The following SYNPO variants were observed in gnomAD, a reference collection of about 807,000 sequenced individuals.
SYNPO encodes synaptopodin.
A neutral mutation model predicts 49.5 loss-of-function variants in SYNPO; 19 were observed. The observed-to-expected ratio is 0.38, with a 90% CI of 0.27 to 0.56. The LOEUF (loss-of-function observed/expected upper bound fraction) is 0.56, where lower values mean the gene tolerates loss of function less well. Among genes scored for constraint, SYNPO ranks in the 20% least tolerant of loss-of-function variants. The pLI is 0.68. For synonymous variants in SYNPO, 536 were observed against 548.0 expected (o/e 0.98, Z 0.31); for missense variants, 1,131 against 1,248.3 (o/e 0.91, Z 1.42).
At chr5:150,642,542 CA>C (rs138180020) in intron 1 of SYNPO, among the ~76,000 whole-genome samples, 3,001 of 151,932 alleles carry the variant, frequency 0.02, 114 homozygotes, top group African/African-American at 0.069. Context: ...ACACCAAGAG[CA>C]TGATCTTGAG....
intron 2 of SYNPO, 73 bp from the exon 3 acceptor site, chr5:150,656,331 C>T (rs1220828264): frequency 1.6e-6 from 2 of 1,263,406 alleles, no homozygotes; most frequent in South Asian, 1.3e-5. Context: ...AATCGGACTC[C>T]GTCCCTTCCT....
exon 2 of SYNPO, chr5:150,618,660 C>G (rs1239625767): frequency 1.9e-6 from 3 of 1,550,996 alleles, no homozygotes; most frequent in Admixed American, 3.9e-5. Flanking sequence ...CAAGGGGCGT[C>G]CCAGCACGAC....
At chr5:150,622,381 G>C (rs1188406062) in intron 2 of SYNPO, among the ~76,000 whole-genome samples, 1 of 152,200 alleles carries the variant, frequency 6.6e-6, no homozygotes, top group African/African-American at 2.4e-5. Context: ...CTGGGGCTGG[G>C]AAAAGGTTGT....
At chr5:150,636,825 G>T (rs1005766789), upstream of SYNPO, among the ~76,000 whole-genome samples, 3 of 151,840 alleles carry the variant, frequency 2.0e-5, no homozygotes, top group African/African-American at 7.3e-5. Context: ...GGGGGATGGG[G>T]TTGGACTGTG....
rs745798531 is a variant in SYNPO, at chr5:150,649,480, C to T, written c.1205C>T (p.Ala402Val). ...NPDLLDLVQT[A>V]DEKRRQRDQG... ...GACTTGCTGGATCTGGTACAGACAG[C>T]GGATGAGAAGCGGCGGCAGAGGGAC... The change falls in exon 2 of 3, where the codon GCG becomes GTG. Residue 402 changes from alanine to valine, a missense_variant. Around this residue, in one of 4 missense-constraint regions of SYNPO, gnomAD observed 602 missense variants for 720.7 expected, o/e 0.84. Coordinates refer to ENST00000307662, the MANE Select transcript of SYNPO (RefSeq NM_007286.6). 9 of 1,613,818 alleles carry T rather than the reference C, an allele frequency of 5.6e-6. No homozygotes were observed. The highest frequency in any genetic ancestry group is 2.7e-5 in the African/African-American group (2 of 74,912).
At position 150,656,702 on chromosome 5, in the gene SYNPO, G is replaced by A. The variant is rs1477306757; in HGVS notation, c.2327G>A (p.Gly776Asp). 1 of 1,451,898 alleles carries A rather than the reference G, an allele frequency of 6.9e-7. No individual in the cohort carries two copies. The highest frequency in any genetic ancestry group is 9.0e-7 in the Non-Finnish European group (1 of 1,105,704). The allele number at this position is 1,451,898 out of a possible 1,614,324, so 89.9% of individuals were successfully genotyped here. Reference sequence around the variant, plus strand: ...AAGAGCGCCTCCCCGCGGTCGGCGGGCGCCGAGAACCCGCGGCCCTTCTCC... The same window carrying A: ...AAGAGCGCCTCCCCGCGGTCGGCGGACGCCGAGAACCCGCGGCCCTTCTCC... ...RRKSASPRSA[G>D]AENPRPFSPP... Residue 776 changes from glycine to aspartate, a missense_variant, in exon 3 of 3, where the codon GGC becomes GAC. Coordinates refer to ENST00000307662, the MANE Select transcript of SYNPO (RefSeq NM_007286.6).
Position 150,640,870 on chromosome 5 carries a change from A to G in SYNPO, c.-333+16A>G. 3 of 985,010 alleles carry G rather than the reference A, an allele frequency of 3.0e-6. No homozygotes were observed. The highest frequency in any genetic ancestry group is 3.6e-6 in the Non-Finnish European group (3 of 829,424). 61.0% of individuals were successfully genotyped at this position (985,010 alleles called of 1,614,324 possible). ...ACCTAGCAGAGTGAGTAAGATGAGC[A>G]CCCGGAGGTGCCTTTGTGGCTTGGG... On this transcript the variant is annotated intron_variant, in intron 1 of 2. Transcript: ENST00000307662.
the SYNPO span, among the ~76,000 whole-genome samples, chr5:150,592,907 G>A: frequency 6.6e-6 from 1 of 152,224 alleles, no homozygotes; most frequent in African/African-American, 2.4e-5. Flanking sequence ...TGTGTCCAGT[G>A]ATAGGGTGCT....
Position 150,656,618 on chromosome 5 carries a change from C to T in SYNPO, c.2243C>T (p.Pro748Leu). The change falls in exon 3 of 3, where the codon CCC becomes CTC. Residue 748 changes from proline to leucine, a missense_variant. By Grantham distance (98) the Pro-to-Leu change is moderately conservative (BLOSUM62 -3). Transcript: ENST00000307662. Reference protein sequence around the residue: ...SPLRPETEARPPSRQLQALLA... With the variant: ...SPLRPETEARLPSRQLQALLA... ...CTGCGACCTGAGACCGAGGCGCGGC[C>T]CCCCAGCCGCCAGCTGCAGGCGCTT... 1 of 1,511,942 alleles carries T rather than the reference C, an allele frequency of 6.6e-7. No homozygotes were observed. 93.7% of individuals were successfully genotyped at this position (1,511,942 alleles called of 1,614,324 possible).
At chr5:150,631,732 C>T (rs1239216197) in intron 2 of SYNPO, among the ~76,000 whole-genome samples, 4 of 152,182 alleles carry the variant, frequency 2.6e-5, no homozygotes, top group Admixed American at 2.0e-4. Context: ...TCATGCCCCC[C>T]CAGCCACTTC....
intron 1 of SYNPO, among the ~76,000 whole-genome samples, chr5:150,603,848 T>C (rs1756617166): frequency 2.0e-5 from 3 of 152,220 alleles, no homozygotes; most frequent in Admixed American, 2.0e-4. Flanking sequence ...TTGTCCTTGA[T>C]GAGGCTAAAG....
chr5:150,636,640 C>A (rs1757724155), upstream of SYNPO, among the ~76,000 whole-genome samples: 1 of 152,192 alleles, frequency 6.6e-6, no homozygotes, highest in Non-Finnish European at 1.5e-5. Flanking sequence ...CCAGACCTGC[C>A]TGGTAATTGG....
chr5:150,605,494 G>T (rs918959144), intron 1 of SYNPO, among the ~76,000 whole-genome samples: 1 of 152,114 alleles, frequency 6.6e-6, no homozygotes. Context: ...ATGGAGGGGT[G>T]GGGGCAAGAA....
chr5:150,595,089 T>C, the SYNPO span, among the ~76,000 whole-genome samples: 8 of 152,306 alleles, frequency 5.3e-5, no homozygotes, highest in East Asian at 1.5e-3. Context: ...CCCCGTGCTG[T>C]TGCAAGACTT....
intron 2 of SYNPO, among the ~76,000 whole-genome samples, chr5:150,631,578 A>G (rs982837463): frequency 3.3e-5 from 5 of 152,154 alleles, no homozygotes; most frequent in South Asian, 2.1e-4. Flanking sequence ...CTGGTGGTAC[A>G]GGGCCTGGAG....
rs71589719 is a variant in SYNPO, at chr5:150,609,786, C to CG, written c.-265-8308dup. On this transcript the variant is annotated intron_variant, in intron 1 of 2. Coordinates refer to the SYNPO transcript ENST00000394243. Reference sequence around the variant, plus strand: ...GGGTGAGGGGGCACTGTGAATGTGGCGGGGGGGGGCAGTGTGGAGCAGTCT... The same window carrying CG: ...GGGTGAGGGGGCACTGTGAATGTGGCGGGGGGGGGGCAGTGTGGAGCAGTCT... Among the ~76,000 whole-genome samples the CG allele has an allele frequency of 0.012, 1,300 of 105,374 alleles. 75 individuals carry two copies. The East Asian group carries it at 0.14, about 12-fold the overall frequency. The allele number at this position is 105,374 out of a possible 152,430, so 69.1% of individuals were successfully genotyped here.
chr5:150,594,961 G>A, the SYNPO span, among the ~76,000 whole-genome samples: 1 of 152,304 alleles, frequency 6.6e-6, no homozygotes, highest in African/African-American at 2.4e-5. Flanking sequence ...CAGATGTGGA[G>A]GATGAGGGAG....
intron 2 of SYNPO, among the ~76,000 whole-genome samples, chr5:150,629,287 A>G (rs1156263111): frequency 6.6e-6 from 1 of 152,214 alleles, no homozygotes; most frequent in Non-Finnish European, 1.5e-5. Context: ...ATGAGTCACC[A>G]TGCCCGGCCT....
intron 2 of SYNPO, among the ~76,000 whole-genome samples, chr5:150,633,216 C>T (rs146310876): frequency 0.013 from 2,007 of 152,280 alleles, 42 homozygotes; most frequent in African/African-American, 0.046. Flanking sequence ...GTATAGGTTT[C>T]AGGCCTTTGC....
Sources: gnomAD v4.1 joint callset for allele counts (sites outside exome capture counted in the v4.1 genomes callset) on GRCh38, gnomAD v4.1.1 for gene constraint, gnomAD v4.1.1 regional missense constraint, MANE v1.5 for transcripts, NCBI Gene and HGNC (gene_info 2026-07-23, HGNC 2026-07-21) for gene names.